POLB: variants seen among roughly 807,000 people sequenced by gnomAD.
POLB encodes DNA polymerase beta, also known as 5'-dRP lyase.
A neutral mutation model predicts 52.7 loss-of-function variants in POLB; 37 were observed. That is an observed-to-expected ratio of 0.70 (90% confidence interval 0.54 to 0.92). POLB has a LOEUF of 0.92. Ranked by LOEUF, POLB falls within the 40% of genes least tolerant of loss-of-function variation. The pLI is 0.00. For synonymous variants in POLB, 138 were observed against 131.3 expected, an observed-to-expected ratio of 1.05 and a Z score of -0.35; for missense variants, 313 against 400.8, an observed-to-expected ratio of 0.78 and a Z score of 1.87.
chr8:42,371,759 T>A lies in POLB; in HGVS notation c.*102T>A, dbSNP rs1322244516. The A allele has an allele frequency of 2.8e-6, 2 of 702,318 alleles. No homozygotes were observed. The highest frequency in any genetic ancestry group is 4.4e-5 in the Admixed American group (2 of 45,750). 43.5% of individuals were successfully genotyped at this position (702,318 alleles called of 1,614,324 possible). A position where few individuals can be genotyped will look rare whatever the true frequency, so the allele number is the denominator to read the frequency against. The stretch of plus-strand genomic sequence containing the variant: ...TTGGTGTTTTTAAATGATTGTTTCT[T>A]CTTCATGCTTTTGCTTGCAATGTAG... On this transcript the variant is annotated 3_prime_UTR_variant, in exon 14 of 14. Coordinates refer to ENST00000265421, the MANE Select transcript of POLB (RefSeq NM_002690.3).
chr8:42,358,487 G>A (rs1211414913), intron 9 of POLB, among the ~76,000 whole-genome samples: 4 of 149,806 alleles, frequency 2.7e-5, no homozygotes, highest in Non-Finnish European at 5.9e-5. Context: ...GGGCGACAGA[G>A]CGAGACTCCA....
intron 11 of POLB, among the ~76,000 whole-genome samples, chr8:42,365,042 G>A (rs576890580): frequency 1.4e-4 from 22 of 151,924 alleles, no homozygotes; most frequent in South Asian, 6.3e-4. Context: ...AGCCATGATC[G>A]CACTACTGCA....
rs3136779 is a variant in POLB at position 42,362,895 on chromosome 8, C to T, written c.708+197C>T. Among the ~76,000 whole-genome samples, 521 of 151,892 alleles carry T rather than the reference C, an allele frequency of 3.4e-3. 5 individuals carry two copies. The highest frequency in any genetic ancestry group is 0.012 in the African/African-American group (490 of 41,430). ...ATCCCAGCCCTTTGGGAGGCCGAGG[C>T]GGGTGGATCGCCTGAGGTCGGGAGC... On this transcript the variant is annotated intron_variant, in intron 11 of 13. Transcript: ENST00000265421.
At chr8:42,358,579 A>C (rs1418852302) in intron 9 of POLB, among the ~76,000 whole-genome samples, 1 of 152,234 alleles carries the variant, frequency 6.6e-6, no homozygotes, top group Non-Finnish European at 1.5e-5. Context: ...GTTAGAGTAG[A>C]TAGAGTAGAT....
At chr8:42,361,111 T>C (rs745426810) in intron 9 of POLB, 184 bp from the exon 10 acceptor site, 226 of 694,570 alleles carry the variant, frequency 3.3e-4, no homozygotes, top group Non-Finnish European at 5.2e-4. Flanking sequence ...GCTGTCTACA[T>C]CAATACACCT....
At position 42,338,597 on chromosome 8, in the gene POLB, A is replaced by C. The variant is rs774160240; in HGVS notation, c.-28A>C. 1 of 1,607,582 alleles carries C rather than the reference A, an allele frequency of 6.2e-7. No homozygotes were observed. The highest frequency in any genetic ancestry group is 2.2e-5 in the East Asian group (1 of 44,788). On this transcript the variant is annotated 5_prime_UTR_variant, in exon 1 of 14. Transcript: ENST00000265421. ...AGGGCTCTAGTCCCTGGTTCTGAAC[A>C]CTCTGGGGTTCTCGGGTGCAGGCCG...
At chr8:42,366,820 T>G (rs1035159117) in intron 11 of POLB, among the ~76,000 whole-genome samples, 1 of 152,260 alleles carries the variant, frequency 6.6e-6, no homozygotes, top group African/African-American at 2.4e-5. Context: ...AAGACCGTTA[T>G]GCAGATCAAA....
intron 11 of POLB, among the ~76,000 whole-genome samples, chr8:42,364,529 CTCT>C (rs1222448085): frequency 6.6e-6 from 1 of 152,144 alleles, no homozygotes; most frequent in Non-Finnish European, 1.5e-5. Flanking sequence ...GTGCCCGGGC[CTCT>C]TCTTTCTTAA....
At chr8:42,343,796 A>T (rs1822411460) in intron 2 of POLB, among the ~76,000 whole-genome samples, 1 of 152,124 alleles carries the variant, frequency 6.6e-6, no homozygotes, top group Non-Finnish European at 1.5e-5. Context: ...TAGAGTTTAA[A>T]TTCAGTTATT....
chr8:42,368,522 G>T (rs1057001076), intron 11 of POLB, among the ~76,000 whole-genome samples: 2 of 152,160 alleles, frequency 1.3e-5, no homozygotes, highest in African/African-American at 4.8e-5. Flanking sequence ...AAATTTGGTG[G>T]TGCTTATATC....
intron 1 of POLB, 96 bp from the exon 2 acceptor site, chr8:42,338,916 A>G: frequency 8.9e-7 from 1 of 1,122,654 alleles, no homozygotes; most frequent in Admixed American, 1.8e-5. Context: ...ACGGGTGGTC[A>G]CTGTCTCTTA....
chr8:42,346,859 T>C (rs1300691423), intron 3 of POLB, among the ~76,000 whole-genome samples: 1 of 152,216 alleles, frequency 6.6e-6, no homozygotes, highest in Non-Finnish European at 1.5e-5. Context: ...TTTAAATCCT[T>C]GTGGCATAGA....
intron 11 of POLB, among the ~76,000 whole-genome samples, chr8:42,363,259 G>C (rs935047947): frequency 6.6e-6 from 1 of 151,422 alleles, no homozygotes; most frequent in African/African-American, 2.4e-5. Context: ...AATTAGGCCT[G>C]GGCATGGTGG....
intron 2 of POLB, chr8:42,342,066 G>A: frequency 4.3e-6 from 4 of 925,810 alleles, no homozygotes; most frequent in Non-Finnish European, 7.1e-6. Context: ...TGCTTCTGGT[G>A]TAATTCTGCA....
chr8:42,357,096 T>C (rs930546417), intron 7 of POLB, 73 bp from the exon 8 acceptor site: 13 of 812,164 alleles, frequency 1.6e-5, no homozygotes, highest in African/African-American at 1.4e-4. Flanking sequence ...ACAATTGTTA[T>C]AAAAGGCAAT....
intron 11 of POLB, among the ~76,000 whole-genome samples, chr8:42,367,328 T>G (rs1407214778): frequency 6.6e-6 from 1 of 151,730 alleles, no homozygotes; most frequent in Non-Finnish European, 1.5e-5. Context: ...GAGAGGAGAG[T>G]GCAGGAGGCA....
At chr8:42,347,092 G>C (rs1390187862) in intron 3 of POLB, among the ~76,000 whole-genome samples, 1 of 151,948 alleles carries the variant, frequency 6.6e-6, no homozygotes, top group Non-Finnish European at 1.5e-5. Flanking sequence ...GAAAAGCTCT[G>C]ATACACTTCA....
rs530671704 is a variant in POLB, at chr8:42,369,549, C to T, written c.773+214C>T. 1.2e-5 allele frequency: 6 copies of T among 517,622 alleles called. No homozygotes were observed. The East Asian group carries it at 1.9e-4, about 16-fold the overall frequency. 32.1% of individuals were successfully genotyped at this position (517,622 alleles called of 1,614,324 possible). ...CAATTTATTTTCTCTAGATTTGCAC[C>T]TCACCATGATGCCTTCCACAGCTCA... On this transcript the variant is annotated intron_variant, in intron 12 of 13. Transcript: ENST00000265421.
At chr8:42,365,653 G>A (rs1307550417) in intron 11 of POLB, among the ~76,000 whole-genome samples, 1 of 152,178 alleles carries the variant, frequency 6.6e-6, no homozygotes, top group Admixed American at 6.5e-5. Context: ...TGGGAAGTGT[G>A]CCAACTGTTT....
Sources: allele counts gnomAD v4.1 joint callset (sites outside exome capture counted in the v4.1 genomes callset), GRCh38; gene constraint gnomAD v4.1.1; transcripts MANE v1.5; gene names NCBI Gene and HGNC (gene_info 2026-07-23, HGNC 2026-07-21).